Variants in GFI1B observed in about 807,000 individuals in gnomAD.
GFI1B encodes the protein zinc finger protein Gfi-1b.
In GFI1B, 20 loss-of-function variants were observed where a neutral mutation model predicts 35.3. The ratio of observed to expected loss-of-function variants is 0.57; its 90% CI spans 0.40 to 0.82. The LOEUF is 0.82. Ranked by LOEUF, GFI1B falls within the 40% of genes least tolerant of loss-of-function variation. The pLI is 0.00. For missense variants in GFI1B, 430 were observed against 446.3 expected, an observed-to-expected ratio of 0.96 and a Z score of 0.33; for synonymous variants, 178 against 177.6, an observed-to-expected ratio of 1.00 and a Z score of -0.02.
At chr9:132,972,771 T>A (rs182929961) in intron 2 of GFI1B, 3 of 152,324 alleles carry the variant, frequency 2.0e-5, no homozygotes, top group Non-Finnish European at 4.4e-5. Context: ...CACCGTGTGG[T>A]GGGATGGTGA....
downstream of GFI1B, among the ~76,000 whole-genome samples, chr9:132,993,233 G>A (rs1389575078): frequency 6.6e-6 from 1 of 152,194 alleles, no homozygotes; most frequent in Non-Finnish European, 1.5e-5. Flanking sequence ...GGTGGAAGTT[G>A]CAGTGAGCCG....
At chr9:132,960,032 A>G (rs1848340954) in intron 1 of GFI1B, among the ~76,000 whole-genome samples, 1 of 152,198 alleles carries the variant, frequency 6.6e-6, no homozygotes, top group African/African-American at 2.4e-5. Context: ...ACCTGCTGGC[A>G]AGGAGCATGG....
chr9:132,950,625 C>CTCGG (rs1215291832), intron 1 of GFI1B, among the ~76,000 whole-genome samples: 1 of 88,180 alleles, frequency 1.1e-5, no homozygotes, highest in Non-Finnish European at 2.3e-5. Context: ...GTGGCGTGAT[C>CTCGG]TCGGCTCACT....
intron 1 of GFI1B, among the ~76,000 whole-genome samples, chr9:132,967,209 T>C (rs1029130111): frequency 3.3e-5 from 5 of 152,174 alleles, no homozygotes; most frequent in African/African-American, 1.2e-4. Context: ...CCTCACCAGA[T>C]GTGGCCCCTC....
At chr9:132,985,055 C>G (rs80013812) in intron 1 of GFI1B, among the ~76,000 whole-genome samples, 11 of 141,322 alleles carry the variant, frequency 7.8e-5, no homozygotes, top group African/African-American at 2.8e-4. Flanking sequence ...CCTTGCATGG[C>G]GGCTGGCCCA....
chr9:132,971,972 T>TAAA (rs55710047), intron 1 of GFI1B, among the ~76,000 whole-genome samples: 1,598 of 130,682 alleles, frequency 0.012, 28 homozygotes, highest in African/African-American at 0.038. Context: ...AGACTCTGTC[T>TAAA]AAAAAAAAAA....
At chr9:132,972,830 G>C (rs1216762701) in intron 2 of GFI1B, 1 of 152,162 alleles carries the variant, frequency 6.6e-6, no homozygotes. Context: ...GTGGGGAGTC[G>C]GAGGGCAGTG....
intron 3 of GFI1B, among the ~76,000 whole-genome samples, chr9:132,987,814 G>A (rs1564178211): frequency 6.6e-6 from 1 of 152,100 alleles, no homozygotes; most frequent in Non-Finnish European, 1.5e-5. Context: ...GTGGTAGAGG[G>A]TGGTGGGAAG....
At chr9:132,964,652 G>T (rs1159404540) in intron 1 of GFI1B, among the ~76,000 whole-genome samples, 1 of 151,532 alleles carries the variant, frequency 6.6e-6, no homozygotes, top group African/African-American at 2.4e-5. Context: ...GAGGACATCT[G>T]CCCAGCAACT....
intron 1 of GFI1B, among the ~76,000 whole-genome samples, chr9:132,986,019 T>C (rs991006799): frequency 1.1e-4 from 17 of 152,156 alleles, no homozygotes; most frequent in African/African-American, 4.1e-4. Context: ...GAGCGTTTTC[T>C]AGGGGGCGAT....
chr9:132,985,249 C>T (rs979058065), intron 1 of GFI1B, among the ~76,000 whole-genome samples: 2 of 152,176 alleles, frequency 1.3e-5, no homozygotes, highest in African/African-American at 4.8e-5. Flanking sequence ...CTCTCAGCTC[C>T]AGAGGGCTCT....
At chr9:132,979,688 T>G (rs28713212) in intron 1 of GFI1B, among the ~76,000 whole-genome samples, 6 of 152,208 alleles carry the variant, frequency 3.9e-5, no homozygotes, top group African/African-American at 1.4e-4. Flanking sequence ...CGCCTTTCCC[T>G]GTGGCTGTTG....
At chr9:132,974,601 CAAAAA>C (rs11243966), upstream of GFI1B, among the ~76,000 whole-genome samples, 196 of 79,842 alleles carry the variant, frequency 2.5e-3, 1 homozygote, top group African/African-American at 9.1e-3. Context: ...GAATCCGTCT[CAAAAA>C]AAAAAAAAAA....
At chr9:132,953,969 T>C (rs1049300608) in intron 1 of GFI1B, among the ~76,000 whole-genome samples, 1 of 152,102 alleles carries the variant, frequency 6.6e-6, no homozygotes, top group Admixed American at 6.6e-5. Context: ...TAAAATAAAC[T>C]ATACACTTCT....
chr9:132,984,667 C>T (rs1010721413), intron 1 of GFI1B, among the ~76,000 whole-genome samples: 1 of 152,164 alleles, frequency 6.6e-6, no homozygotes, highest in Non-Finnish European at 1.5e-5. Flanking sequence ...TTCTCGCTCC[C>T]CACCATCCCA....
intron 1 of GFI1B, among the ~76,000 whole-genome samples, chr9:132,980,223 AGGGT>A (rs1035086075): frequency 2.1e-5 from 3 of 142,252 alleles, no homozygotes; most frequent in African/African-American, 7.5e-5. Flanking sequence ...GGGGCAGGGT[AGGGT>A]GGGTGGGAAT....
chr9:132,976,806 T>A (rs960546102), upstream of GFI1B, among the ~76,000 whole-genome samples: 2 of 151,924 alleles, frequency 1.3e-5, no homozygotes. Flanking sequence ...TAACCAGGCA[T>A]GGTGGTGCGC....
chr9:132,983,149 G>A (rs1165536122), intron 1 of GFI1B, among the ~76,000 whole-genome samples: 2 of 150,904 alleles, frequency 1.3e-5, no homozygotes. Context: ...TTAGGAGCCT[G>A]GAAAAGACTT....
At chr9:132,984,949 C>T (rs1383887520) in intron 1 of GFI1B, among the ~76,000 whole-genome samples, 1 of 152,218 alleles carries the variant, frequency 6.6e-6, no homozygotes, top group Admixed American at 6.5e-5. Flanking sequence ...TCCCACCCTG[C>T]TCCTGGGCCA....
Sources: gnomAD v4.1 joint callset for allele counts (sites outside exome capture counted in the v4.1 genomes callset) on GRCh38, gnomAD v4.1.1 for gene constraint, MANE v1.5 for transcripts, NCBI Gene and HGNC (gene_info 2026-07-23, HGNC 2026-07-21) for gene names.